The following GCH1 variants were observed in gnomAD, a reference collection of about 807,000 sequenced individuals.
GCH1 encodes the protein GTP cyclohydrolase I.
In GCH1, 5 loss-of-function variants were observed where a neutral mutation model predicts 25.9. The observed-to-expected ratio is 0.19, with a 90% CI of 0.10 to 0.41. The LOEUF (loss-of-function observed/expected upper bound fraction) is 0.41, where lower values mean the gene tolerates loss of function less well. Ranked by LOEUF, GCH1 falls within the 10% of genes least tolerant of loss-of-function variation. The probability of loss-of-function intolerance (pLI) is 1.00; values close to 1 mark genes in which losing one functional copy is unlikely to be tolerated. For synonymous variants in GCH1, 159 were observed against 129.6 expected (o/e 1.23, Z -1.54); for missense variants, 261 against 336.5 (o/e 0.78, Z 1.75).
At chr14:54,875,752 A>C (rs918987275) in intron 1 of GCH1, among the ~76,000 whole-genome samples, 1 of 152,256 alleles carries the variant, frequency 6.6e-6, no homozygotes, top group African/African-American at 2.4e-5. Flanking sequence ...AAAAATGCTC[A>C]TCATCACTGG....
At chr14:54,884,613 T>C (rs1189737380) in intron 1 of GCH1, among the ~76,000 whole-genome samples, 1 of 151,884 alleles carries the variant, frequency 6.6e-6, no homozygotes, top group African/African-American at 2.4e-5. Flanking sequence ...CTACTAAAAA[T>C]ACAAAAATTA....
chr14:54,884,181 T>C (rs1352042696), intron 1 of GCH1, among the ~76,000 whole-genome samples: 1 of 152,150 alleles, frequency 6.6e-6, no homozygotes, highest in African/African-American at 2.4e-5. Flanking sequence ...ATTTGGAGAA[T>C]GACTAGAGGT....
At position 54,896,955 on chromosome 14, in the gene GCH1, C is replaced by T. The variant is rs183841637; in HGVS notation, c.343+5366G>A. 6.5e-4 allele frequency among the ~76,000 whole-genome samples: 96 copies of T among 147,124 alleles called. 1 individual carries two copies. In the Middle Eastern group the frequency reaches 0.017, roughly 27 times the overall value. On this transcript the variant is annotated intron_variant, in intron 1 of 5. Coordinates refer to ENST00000491895, the MANE Select transcript of GCH1 (RefSeq NM_000161.3). ...AAACAAAAGAAGAAGTTTCTCAAAA[C>T]ACTTGTCCTTACTATATGTGATAGA...
intron 1 of GCH1, among the ~76,000 whole-genome samples, chr14:54,881,362 C>T (rs774093165): frequency 6.6e-6 from 1 of 152,062 alleles, no homozygotes; most frequent in Non-Finnish European, 1.5e-5. Flanking sequence ...AAGTCTTCTG[C>T]CCTGAAGATG....
chr14:54,880,554 C>CAT lies in GCH1; in HGVS notation c.344-15120_344-15119dup, dbSNP rs1245366548. On this transcript the variant is annotated intron_variant, in intron 1 of 5. Transcript: ENST00000491895. ...ATATACTCCATATATATATATACTC[C>CAT]ATATATATATACTCCATATATATAT... Among the ~76,000 whole-genome samples the CAT allele has an allele frequency of 7.4e-4, 26 of 35,308 alleles. 3 individuals carry two copies. The highest frequency in any genetic ancestry group is 3.6e-3 in the African/African-American group (18 of 4,938). The allele number at this position is 35,308 out of a possible 152,430, so 23.2% of individuals were successfully genotyped here.
chr14:54,856,067 T>C (rs1028166960), intron 3 of GCH1, among the ~76,000 whole-genome samples: 26 of 152,156 alleles, frequency 1.7e-4, no homozygotes, highest in Non-Finnish European at 4.4e-5. Context: ...AATACTCACC[T>C]CACTTACTCT....
At chr14:54,867,588 T>TAAA (rs1566670127) in intron 1 of GCH1, among the ~76,000 whole-genome samples, 1 of 30,912 alleles carries the variant, frequency 3.2e-5, no homozygotes, top group African/African-American at 2.6e-4. Flanking sequence ...AGACTCCGTC[T>TAAA]CAAAAAAAAA....
chr14:54,873,183 A>G (rs908167451), intron 1 of GCH1, among the ~76,000 whole-genome samples: 2 of 152,200 alleles, frequency 1.3e-5, no homozygotes, highest in African/African-American at 4.8e-5. Flanking sequence ...ACTCAGGATT[A>G]ATAAATTCAC....
chr14:54,900,037 G>T (rs569848979), intron 1 of GCH1, among the ~76,000 whole-genome samples: 1 of 151,150 alleles, frequency 6.6e-6, no homozygotes, highest in African/African-American at 2.4e-5. Context: ...GCTAATTTTT[G>T]TATTTTTGGT....
chr14:54,888,653 C>T (rs1182129180), intron 1 of GCH1, among the ~76,000 whole-genome samples: 6 of 151,246 alleles, frequency 4.0e-5, no homozygotes, highest in African/African-American at 1.5e-4. Context: ...GCTGGGACTA[C>T]AGGCGCCCAC....
At chr14:54,848,347 G>A (rs566962871) in intron 3 of GCH1, among the ~76,000 whole-genome samples, 1 of 152,194 alleles carries the variant, frequency 6.6e-6, no homozygotes, top group South Asian at 2.1e-4. Flanking sequence ...ATGTTGGCCA[G>A]GCTGGTCTCG....
chr14:54,886,059 A>G, intron 1 of GCH1: 1 of 205,220 alleles, frequency 4.9e-6, no homozygotes, highest in South Asian at 7.3e-5. Context: ...CTCCAGTGGC[A>G]GTGTACTCCA....
At chr14:54,899,000 A>C (rs1219160729) in intron 1 of GCH1, among the ~76,000 whole-genome samples, 1 of 152,034 alleles carries the variant, frequency 6.6e-6, no homozygotes, top group Non-Finnish European at 1.5e-5. Flanking sequence ...GACACAAACA[A>C]ACACATTACT....
intron 4 of GCH1, 75 bp from the exon 5 acceptor site, chr14:54,845,927 T>G (rs540779020): frequency 5.9e-6 from 5 of 850,316 alleles, no homozygotes; most frequent in East Asian, 4.8e-5. Flanking sequence ...TCTAGAACAT[T>G]TGAAATCTTA....
chr14:54,889,232 C>T (rs374213134), intron 1 of GCH1, among the ~76,000 whole-genome samples: 1 of 152,322 alleles, frequency 6.6e-6, no homozygotes, highest in African/African-American at 2.4e-5. Flanking sequence ...AGCAGCTATG[C>T]CTTAAAGTCA....
intron 1 of GCH1, among the ~76,000 whole-genome samples, chr14:54,876,776 A>G (rs1022418203): frequency 2.6e-5 from 4 of 152,216 alleles, no homozygotes; most frequent in Admixed American, 2.0e-4. Flanking sequence ...ATATGAATGT[A>G]TATGCTTATC....
intron 1 of GCH1, among the ~76,000 whole-genome samples, chr14:54,883,730 C>T (rs1595011864): frequency 6.6e-6 from 1 of 152,090 alleles, no homozygotes; most frequent in South Asian, 2.1e-4. Flanking sequence ...CACTGCTGGC[C>T]CAAATTTGCT....
At chr14:54,858,977 ACAGAAAAGAAGATTGTAG>A (rs2039855344) in intron 3 of GCH1, among the ~76,000 whole-genome samples, 1 of 152,236 alleles carries the variant, frequency 6.6e-6, no homozygotes, top group Admixed American at 6.5e-5. Flanking sequence ...AGGATAAACA[ACAGAAAAGAAGATTGTAG>A]CAGGAAAGAG....
chr14:54,874,830 T>C (rs1221394478), intron 1 of GCH1, among the ~76,000 whole-genome samples: 1 of 152,006 alleles, frequency 6.6e-6, no homozygotes, highest in African/African-American at 2.4e-5. Flanking sequence ...CACTGCTCCA[T>C]AAAATAAAAG....
Sources: gnomAD v4.1 joint callset for allele counts (sites outside exome capture counted in the v4.1 genomes callset) on GRCh38, gnomAD v4.1.1 for gene constraint, MANE v1.5 for transcripts, NCBI Gene and HGNC (gene_info 2026-07-23, HGNC 2026-07-21) for gene names.